CACNB2: variants seen among roughly 807,000 people sequenced by gnomAD.
CACNB2 encodes the protein calcium voltage-gated channel auxiliary subunit beta 2.
In CACNB2, 42 loss-of-function variants were observed where a neutral mutation model predicts 73.3. The ratio of observed to expected loss-of-function variants is 0.57; its 90% CI spans 0.45 to 0.74. CACNB2 has a LOEUF of 0.74. Ranked by LOEUF, CACNB2 falls within the 30% of genes least tolerant of loss-of-function variation. CACNB2 has a pLI of 0.00. For synonymous variants in CACNB2, 348 were observed against 310.3 expected (o/e 1.12, Z -1.28); for missense variants, 940 against 853.0 (o/e 1.10, Z -1.27).
At chr10:18,459,138 G>T (rs566721759) in intron 3 of CACNB2, among the ~76,000 whole-genome samples, 17 of 152,196 alleles carry the variant, frequency 1.1e-4, no homozygotes, top group Admixed American at 4.6e-4. Flanking sequence ...AAGATACTAT[G>T]AATTTTTAGT....
At chr10:18,218,386 A>C (rs1416628931) in intron 2 of CACNB2, among the ~76,000 whole-genome samples, 1 of 152,184 alleles carries the variant, frequency 6.6e-6, no homozygotes, top group Non-Finnish European at 1.5e-5. Flanking sequence ...TGACATAGTA[A>C]GAGTATAGAT....
At chr10:18,324,263 A>G (rs1312068396) in intron 2 of CACNB2, among the ~76,000 whole-genome samples, 2 of 152,222 alleles carry the variant, frequency 1.3e-5, no homozygotes, top group Non-Finnish European at 2.9e-5. Context: ...ACAATATGCA[A>G]TGGATAATGA....
chr10:18,332,644 T>C (rs751505324), intron 2 of CACNB2, among the ~76,000 whole-genome samples: 2 of 152,018 alleles, frequency 1.3e-5, no homozygotes, highest in African/African-American at 2.4e-5. Context: ...AGAAGAGGAT[T>C]AGGAAACAGG....
At chr10:18,436,228 T>C (rs1435524865) in intron 3 of CACNB2, among the ~76,000 whole-genome samples, 1 of 152,038 alleles carries the variant, frequency 6.6e-6, no homozygotes, top group African/African-American at 2.4e-5. Context: ...CCAGTAAGAG[T>C]TTTTCCCCTC....
chr10:18,472,221 C>CTTTTTTTTT (rs200348808), intron 3 of CACNB2, among the ~76,000 whole-genome samples: 54 of 119,402 alleles, frequency 4.5e-4, no homozygotes, highest in East Asian at 9.5e-4. Context: ...CACTTTTCTT[C>CTTTTTTTTT]TTTTTTTTTT....
intron 2 of CACNB2, among the ~76,000 whole-genome samples, chr10:18,350,294 CA>C (rs1181003667): frequency 6.6e-6 from 1 of 152,126 alleles, no homozygotes; most frequent in African/African-American, 2.4e-5. Context: ...ATTCTCATAA[CA>C]ACCCAGTGAA....
chr10:18,441,283 T>C (rs1564550902), intron 3 of CACNB2, among the ~76,000 whole-genome samples: 1 of 152,166 alleles, frequency 6.6e-6, no homozygotes, highest in African/African-American at 2.4e-5. Flanking sequence ...CGCATGCCTG[T>C]AATCCCAGCT....
chr10:18,163,864 G>T (rs888380451), intron 2 of CACNB2, among the ~76,000 whole-genome samples: 1 of 152,134 alleles, frequency 6.6e-6, no homozygotes, highest in Admixed American at 6.5e-5. Context: ...GTTGGTGCTT[G>T]GTTGACTGTG....
chr10:18,230,917 A>G (rs926265598), intron 2 of CACNB2, among the ~76,000 whole-genome samples: 1 of 151,636 alleles, frequency 6.6e-6, no homozygotes, highest in Non-Finnish European at 1.5e-5. Flanking sequence ...AATTCTTTCC[A>G]GACAAAAAGA....
chr10:18,252,429 C>G (rs183671449), intron 2 of CACNB2, among the ~76,000 whole-genome samples: 1 of 152,200 alleles, frequency 6.6e-6, no homozygotes, highest in Admixed American at 6.5e-5. Flanking sequence ...GTTGGCTGCT[C>G]GAAAGCTTAC....
intron 2 of CACNB2, among the ~76,000 whole-genome samples, chr10:18,199,681 C>T (rs867826347): frequency 6.6e-6 from 1 of 152,060 alleles, no homozygotes; most frequent in Non-Finnish European, 1.5e-5. Context: ...CTTTGATGGA[C>T]TTTGATTAGG....
At chr10:18,411,427 G>A (rs184240888) in intron 3 of CACNB2, among the ~76,000 whole-genome samples, 35 of 151,484 alleles carry the variant, frequency 2.3e-4, no homozygotes, top group African/African-American at 8.5e-4. Flanking sequence ...AACAGTAATA[G>A]CACTTAATGC....
chr10:18,275,395 C>T (rs1172719875), intron 2 of CACNB2, among the ~76,000 whole-genome samples: 1 of 152,130 alleles, frequency 6.6e-6, no homozygotes, highest in Non-Finnish European at 1.5e-5. Flanking sequence ...ATACAAGAGA[C>T]TCCATACACA....
intron 3 of CACNB2, among the ~76,000 whole-genome samples, chr10:18,468,862 G>A (rs904448008): frequency 6.6e-6 from 1 of 152,144 alleles, no homozygotes; most frequent in Non-Finnish European, 1.5e-5. Context: ...GCCTCCCAAA[G>A]TGCTGGGATT....
intron 1 of CACNB2, among the ~76,000 whole-genome samples, chr10:18,150,435 G>A (rs750477063): frequency 3.9e-5 from 6 of 152,176 alleles, no homozygotes; most frequent in Admixed American, 1.3e-4. Flanking sequence ...AGGCCAAGGC[G>A]GGCGGATCAC....
chr10:18,366,464 C>CAAA (rs58231666), intron 2 of CACNB2, among the ~76,000 whole-genome samples: 13 of 99,564 alleles, frequency 1.3e-4, no homozygotes, highest in Middle Eastern at 6.0e-3. Flanking sequence ...GACTCCGTCT[C>CAAA]AAAAAAAAAA....
At chr10:18,479,467 C>G (rs1282577296) in intron 3 of CACNB2, among the ~76,000 whole-genome samples, 1 of 152,142 alleles carries the variant, frequency 6.6e-6, no homozygotes, top group Non-Finnish European at 1.5e-5. Flanking sequence ...GACTAACTTT[C>G]TCTTTACAAA....
chr10:18,523,907 T>C (rs2052177499), intron 9 of CACNB2, among the ~76,000 whole-genome samples: 1 of 152,216 alleles, frequency 6.6e-6, no homozygotes, highest in Non-Finnish European at 1.5e-5. Context: ...AGGTTCTAGG[T>C]AGTCAAGAAT....
In CACNB2 at chr10:18,464,418, T is replaced by TAAAATAAAA. The variant is rs1554824204; in HGVS notation, c.334-33933_334-33932insTAAAAAAAA. ...CAGAGTGAGACCCTGTCTCAAAAAT[T>TAAAATAAAA]AAAAAAAAAAAAAAAAAAAAAAGAA... On this transcript the variant is annotated intron_variant, in intron 3 of 13. Coordinates refer to ENST00000324631, the MANE Select transcript of CACNB2 (RefSeq NM_201596.3). 5.6e-4 allele frequency among the ~76,000 whole-genome samples: 48 copies of TAAAATAAAA among 85,284 alleles called. 1 individual carries two copies. The highest frequency in any genetic ancestry group is 6.7e-4 in the Non-Finnish European group (29 of 43,374). 55.9% of individuals were successfully genotyped at this position (85,284 alleles called of 152,430 possible).
Sources: allele counts gnomAD v4.1 joint callset (sites outside exome capture counted in the v4.1 genomes callset), GRCh38; gene constraint gnomAD v4.1.1; transcripts MANE v1.5; gene names NCBI Gene and HGNC (gene_info 2026-07-23, HGNC 2026-07-21).